PTPRD: variants seen among roughly 807,000 people sequenced by gnomAD.
PTPRD encodes protein tyrosine phosphatase receptor type D.
Under a neutral mutation model 214.5 loss-of-function variants are expected in PTPRD, and 34 were observed. The ratio of observed to expected loss-of-function variants is 0.16; its 90% CI spans 0.12 to 0.21. The LOEUF (loss-of-function observed/expected upper bound fraction) is 0.21, where lower values mean the gene tolerates loss of function less well. PTPRD is among the 10% of genes least tolerant of loss of function. The probability of loss-of-function intolerance (pLI) is 1.00; values close to 1 mark genes in which losing one functional copy is unlikely to be tolerated. For missense variants in PTPRD, 2,545 were observed against 2,398.7 expected (o/e 1.06, Z -1.27); for synonymous variants, 1,128 against 845.7 (o/e 1.33, Z -5.79).
intron 9 of PTPRD, among the ~76,000 whole-genome samples, chr9:9,292,620 A>C (rs1951556134): frequency 1.3e-5 from 2 of 151,494 alleles, no homozygotes; most frequent in South Asian, 4.2e-4. Context: ...TTATTAACTA[A>C]AATCCATACT....
chr9:8,972,943 A>G (rs1025435720), intron 11 of PTPRD, among the ~76,000 whole-genome samples: 1 of 151,780 alleles, frequency 6.6e-6, no homozygotes, highest in African/African-American at 2.4e-5. Flanking sequence ...AGACTAGTAG[A>G]TAAAATTTAA....
At chr9:8,534,676 T>TATATAATA (rs1306871300) in intron 14 of PTPRD, among the ~76,000 whole-genome samples, 1 of 151,756 alleles carries the variant, frequency 6.6e-6, no homozygotes, top group Non-Finnish European at 1.5e-5. Flanking sequence ...CATTTTAATA[T>TATATAATA]ATATAATACA....
intron 7 of PTPRD, among the ~76,000 whole-genome samples, chr9:9,606,067 G>A (rs1318460301): frequency 1.3e-5 from 2 of 152,026 alleles, no homozygotes; most frequent in African/African-American, 4.8e-5. Flanking sequence ...GAGTGGCCTT[G>A]AAGACTAGAA....
At chr9:8,411,287 A>C (rs1459834401) in intron 35 of PTPRD, among the ~76,000 whole-genome samples, 2 of 151,452 alleles carry the variant, frequency 1.3e-5, no homozygotes, top group Non-Finnish European at 2.9e-5. Context: ...CTTTTTTAAA[A>C]TTTTTTATTT....
intron 11 of PTPRD, among the ~76,000 whole-genome samples, chr9:8,897,896 T>A (rs1434112591): frequency 2.6e-5 from 4 of 152,192 alleles, no homozygotes; most frequent in African/African-American, 4.8e-5. Flanking sequence ...CATCTGCCTA[T>A]ATCATGGAAC....
intron 11 of PTPRD, among the ~76,000 whole-genome samples, chr9:8,997,518 A>T (rs1415753826): frequency 1.3e-5 from 2 of 152,072 alleles, no homozygotes; most frequent in Non-Finnish European, 1.5e-5. Context: ...TTAACTGACA[A>T]ATGTGAGTGT....
At chr9:9,114,823 G>A (rs896863734) in intron 10 of PTPRD, among the ~76,000 whole-genome samples, 5 of 151,974 alleles carry the variant, frequency 3.3e-5, no homozygotes, top group Admixed American at 2.6e-4. Context: ...ATGGGCCTTG[G>A]GCATTATCTA....
At chr9:8,551,665 C>A (rs1316771376) in intron 14 of PTPRD, among the ~76,000 whole-genome samples, 2 of 152,130 alleles carry the variant, frequency 1.3e-5, no homozygotes, top group African/African-American at 4.8e-5. Context: ...TGAAGGAGAA[C>A]CATTAATTAG....
At chr9:8,643,390 G>A (rs2096618694) in intron 12 of PTPRD, among the ~76,000 whole-genome samples, 1 of 152,110 alleles carries the variant, frequency 6.6e-6, no homozygotes, top group Non-Finnish European at 1.5e-5. Context: ...AGAAAGAAAG[G>A]AAGGAAGGAA....
chr9:9,395,515 T>C (rs2067464691), intron 9 of PTPRD, among the ~76,000 whole-genome samples: 1 of 152,096 alleles, frequency 6.6e-6, no homozygotes, highest in Admixed American at 6.6e-5. Context: ...TTCAATTGAT[T>C]TTGAAACTTC....
At chr9:8,423,366 G>C (rs868751197) in intron 35 of PTPRD, among the ~76,000 whole-genome samples, 1 of 152,124 alleles carries the variant, frequency 6.6e-6, no homozygotes, top group Middle Eastern at 3.2e-3. Flanking sequence ...CAGTGGTTTT[G>C]TATCCTCCTG....
chr9:9,174,332 G>C (rs543762146), intron 10 of PTPRD, among the ~76,000 whole-genome samples: 2 of 152,212 alleles, frequency 1.3e-5, no homozygotes, highest in South Asian at 4.1e-4. Flanking sequence ...AAGGGACTTT[G>C]AACATATCCA....
intron 8 of PTPRD, among the ~76,000 whole-genome samples, chr9:9,537,725 A>G (rs1211193322): frequency 2.0e-5 from 3 of 151,902 alleles, no homozygotes; most frequent in Non-Finnish European, 4.4e-5. Context: ...CACAAACCTC[A>G]CTGTTAAAAA....
intron 7 of PTPRD, among the ~76,000 whole-genome samples, chr9:9,693,320 C>T (rs1020123496): frequency 6.6e-6 from 1 of 152,022 alleles, no homozygotes; most frequent in Non-Finnish European, 1.5e-5. Flanking sequence ...GCATAATGTT[C>T]TCATGTTTGT....
At chr9:9,791,007 C>T (rs943698461) in intron 5 of PTPRD, among the ~76,000 whole-genome samples, 13 of 151,932 alleles carry the variant, frequency 8.6e-5, no homozygotes, top group African/African-American at 2.9e-4. Context: ...AACCAGAAAA[C>T]GTAATAGATA....
chr9:8,813,003 C>T (rs1036274442), intron 11 of PTPRD, among the ~76,000 whole-genome samples: 9 of 151,998 alleles, frequency 5.9e-5, no homozygotes, highest in Admixed American at 3.9e-4. Context: ...TTCCGCTCCT[C>T]ATGATATAAT....
At chr9:9,289,610 T>C (rs1316916655) in intron 9 of PTPRD, among the ~76,000 whole-genome samples, 3 of 151,814 alleles carry the variant, frequency 2.0e-5, no homozygotes, top group African/African-American at 7.2e-5. Flanking sequence ...GTACCCTTTG[T>C]ACATCTCCCT....
At chr9:9,677,782 C>T (rs1290529195) in intron 7 of PTPRD, among the ~76,000 whole-genome samples, 1 of 152,000 alleles carries the variant, frequency 6.6e-6, no homozygotes, top group Non-Finnish European at 1.5e-5. Flanking sequence ...TCAAATCGTC[C>T]CTGTTTGCAG....
chr9:9,209,973 G>A (rs113026582), intron 9 of PTPRD, among the ~76,000 whole-genome samples: 16 of 152,150 alleles, frequency 1.1e-4, no homozygotes, highest in African/African-American at 3.9e-4. Context: ...GATGCAGAAG[G>A]GCCCAGATAG....
Sources: gnomAD v4.1 joint callset for allele counts (sites outside exome capture counted in the v4.1 genomes callset) on GRCh38, gnomAD v4.1.1 for gene constraint, MANE v1.5 for transcripts, NCBI Gene and HGNC (gene_info 2026-07-23, HGNC 2026-07-21) for gene names.